The following DIP2B variants were observed in gnomAD, a reference collection of about 807,000 sequenced individuals.
The protein encoded by DIP2B is DIP2 acetate--CoA ligase B (putative), also known as disco-interacting protein 2 homolog B.
In DIP2B, 76 loss-of-function variants were observed where a neutral mutation model predicts 198.0. The observed-to-expected ratio is 0.38, with a 90% confidence interval of 0.32 to 0.46. The LOEUF is 0.46. Ranked by LOEUF, DIP2B falls within the 20% of genes least tolerant of loss-of-function variation. The pLI, the probability that DIP2B is intolerant of heterozygous loss-of-function variation, is 0.99. For missense variants in DIP2B, 1,559 were observed against 1,978.4 expected (o/e 0.79, Z 4.02); for synonymous variants, 701 against 739.1 (o/e 0.95, Z 0.84).
intron 7 of DIP2B, 25 bp downstream of exon 7, chr12:50,675,473 T>C (rs748091887): frequency 6.2e-7 from 1 of 1,601,920 alleles, no homozygotes; most frequent in Non-Finnish European, 8.5e-7. Flanking sequence ...ACCAAAAACA[T>C]ATATTCATTA....
chr12:50,677,788 C>G (rs1938973105), intron 7 of DIP2B, among the ~76,000 whole-genome samples: 1 of 151,980 alleles, frequency 6.6e-6, no homozygotes, highest in African/African-American at 2.4e-5. Context: ...AACACACAAC[C>G]AAATTCAGTC....
chr12:50,733,983 T>TA lies in DIP2B; in HGVS notation c.3982-150dup, dbSNP rs1256594354. ...TTCAGTGCTGCCACAGTCCCCGTGATAAGAGTGAGAGCAGGGGGCCTACTC... is the reference window on the plus strand; with the variant it reads ...TTCAGTGCTGCCACAGTCCCCGTGATAAAGAGTGAGAGCAGGGGGCCTACTC... On this transcript the variant is annotated intron_variant, in intron 32 of 37. Transcript: ENST00000301180. 3 of 750,606 alleles carry TA rather than the reference T, an allele frequency of 4.0e-6. No homozygotes were observed. The African/African-American group carries it at 5.3e-5, about 13-fold the overall frequency. 46.5% of individuals were successfully genotyped at this position (750,606 alleles called of 1,614,324 possible).
rs748364197 is a variant in DIP2B at position 50,741,501 on chromosome 12, G to T, written c.4440G>T (p.Glu1480Asp). 6.2e-7 allele frequency: 1 copy of T among 1,614,112 alleles called. No homozygotes were observed. The highest frequency in any genetic ancestry group is 8.5e-7 in the Non-Finnish European group (1 of 1,180,002). ...TACGATACCACCCAATTGATATTGA[G>T]ACCTCGGTGTCCCGGATCCACAGAA... ...RGLRYHPIDI[E>D]TSVSRIHRSI... Residue 1480 changes from glutamate (E) to aspartate (D), a missense_variant, in exon 37 of 38, where the codon GAG (glutamate) becomes GAT (aspartate). Coordinates refer to ENST00000301180, the MANE Select transcript of DIP2B (RefSeq NM_173602.3).
intron 1 of DIP2B, among the ~76,000 whole-genome samples, chr12:50,550,768 A>G (rs763053127): frequency 1.3e-5 from 2 of 152,204 alleles, no homozygotes; most frequent in Non-Finnish European, 2.9e-5. Context: ...TCTTAAAGCT[A>G]GTAACATGTT....
rs144260106 is a variant in DIP2B at position 50,577,595 on chromosome 12, A to G, written c.101-48381A>G. Among the ~76,000 whole-genome samples the G allele has an allele frequency of 3.1e-3, 471 of 151,414 alleles. 5 individuals are homozygous for G. The highest frequency in any genetic ancestry group is 0.011 in the African/African-American group (442 of 41,460). ...GTTAAAATATTTATCCTAAATAACA[A>G]TAATAAATTTATTATATTTATATAT... On this transcript the variant is annotated intron_variant, in intron 1 of 37. Transcript: ENST00000301180.
intron 2 of DIP2B, among the ~76,000 whole-genome samples, chr12:50,636,139 G>A (rs1938155981): frequency 6.6e-6 from 1 of 152,186 alleles, no homozygotes; most frequent in Non-Finnish European, 1.5e-5. Context: ...GAAATTCAAA[G>A]GGACGTGAAC....
intron 1 of DIP2B, among the ~76,000 whole-genome samples, chr12:50,599,853 G>A (rs566613666): frequency 4.4e-4 from 67 of 152,124 alleles, no homozygotes; most frequent in Non-Finnish European, 8.7e-4. Flanking sequence ...TTTCTGCGAT[G>A]GCAATAGGAG....
At position 50,695,345 on chromosome 12, in the gene DIP2B, G is replaced by A; in HGVS notation, c.1798G>A (p.Val600Ile). 1 of 1,613,898 alleles carries A rather than the reference G, an allele frequency of 6.2e-7. No individual in the cohort carries two copies. The highest frequency in any genetic ancestry group is 1.3e-5 in the African/African-American group (1 of 75,016). The change falls in exon 15 of 38, where the codon GTA (valine) becomes ATA (isoleucine). Residue 600 changes from valine (V) to isoleucine (I), a missense_variant. By Grantham distance (29) the Val-to-Ile change is conservative (BLOSUM62 3). Transcript: ENST00000301180. ...KTCPLSWVQR[V>I]HAHKAKVALV... ...CTGTCCTCTCTCTTGGGTCCAAAGA[G>A]TACATGCTCACAAAGGTAGTCACCT... is the stretch of plus-strand genomic sequence containing the variant.
chr12:50,718,911 A>G (rs368767395), intron 24 of DIP2B, 44 bp from the exon 25 acceptor site: 62 of 1,613,296 alleles, frequency 3.8e-5, no homozygotes, highest in Non-Finnish European at 4.3e-5. Context: ...ATGACTTGTT[A>G]TAAGTTGCTG....
intron 1 of DIP2B, among the ~76,000 whole-genome samples, chr12:50,588,346 C>T (rs1958788535): frequency 6.6e-6 from 1 of 151,904 alleles, no homozygotes; most frequent in South Asian, 2.1e-4. Flanking sequence ...GATGGAGTGT[C>T]ACTGTGTTGG....
At position 50,737,048 on chromosome 12, in the gene DIP2B, G is replaced by C. The variant is rs1402901670; in HGVS notation, c.4114G>C (p.Val1372Leu). ...CTTTGATTCTTAGATTTTACCTGGA[G>C]TGAAAGTGGTTATTGTTAATCCTGA... ...LSESGKILPG[V>L]KVVIVNPETK... is the part of the protein sequence containing the mutation. Residue 1372 changes from valine (V) to leucine (L), a missense_variant, in exon 35 of 38, where the codon GTG becomes CTG. Val to Leu is a conservative substitution (Grantham distance 32). Coordinates refer to ENST00000301180, the MANE Select transcript of DIP2B (RefSeq NM_173602.3). 1.2e-6 allele frequency: 2 copies of C among 1,613,816 alleles called. No individual in the cohort carries two copies. Among genetic ancestry groups the C allele is most frequent in the Non-Finnish European group, 1.7e-6 (2 of 1,179,922 alleles).
chr12:50,742,923 A>G (rs1478615712), intron 37 of DIP2B, among the ~76,000 whole-genome samples: 1 of 152,066 alleles, frequency 6.6e-6, no homozygotes, highest in Non-Finnish European at 1.5e-5. Flanking sequence ...TCTTGTTTTC[A>G]TAGGAGTCTC....
At chr12:50,646,207 T>G (rs1018798109) in intron 3 of DIP2B, among the ~76,000 whole-genome samples, 4 of 152,030 alleles carry the variant, frequency 2.6e-5, no homozygotes, top group Non-Finnish European at 5.9e-5. Flanking sequence ...CACTGCAACC[T>G]CCGCCTCCTG....
intron 1 of DIP2B, among the ~76,000 whole-genome samples, chr12:50,606,763 TG>T (rs1358357451): frequency 5.3e-5 from 8 of 152,182 alleles, no homozygotes; most frequent in African/African-American, 1.9e-4. Context: ...CTTGAGTAGC[TG>T]GGACTACAGG....
At chr12:50,673,860 C>G (rs749795141) in intron 5 of DIP2B, among the ~76,000 whole-genome samples, 53 of 152,126 alleles carry the variant, frequency 3.5e-4, no homozygotes, top group Non-Finnish European at 6.6e-4. Flanking sequence ...AAAGGAAGAA[C>G]CTTGTCTGTC....
intron 33 of DIP2B, 145 bp downstream of exon 33, chr12:50,734,341 T>G (rs146592736): frequency 1.3e-6 from 1 of 753,462 alleles, no homozygotes; most frequent in Non-Finnish European, 2.2e-6. Flanking sequence ...GTTTTTATCA[T>G]TAATACATAA....
intron 1 of DIP2B, among the ~76,000 whole-genome samples, chr12:50,568,778 C>T (rs546382278): frequency 5.3e-5 from 8 of 152,186 alleles, no homozygotes; most frequent in African/African-American, 1.7e-4. Context: ...TTGGCTGACA[C>T]CAGAAGTCTT....
intron 1 of DIP2B, among the ~76,000 whole-genome samples, chr12:50,556,391 A>G (rs1958471567): frequency 6.6e-6 from 1 of 152,012 alleles, no homozygotes; most frequent in African/African-American, 2.4e-5. Context: ...TCATCTTTTT[A>G]CTAACTGTTC....
intron 1 of DIP2B, among the ~76,000 whole-genome samples, chr12:50,558,691 A>G (rs1164302872): frequency 6.6e-6 from 1 of 152,228 alleles, no homozygotes; most frequent in East Asian, 1.9e-4. Flanking sequence ...ACTCAGAAGA[A>G]CAAAACAGAA....
Sources: gnomAD v4.1 joint callset for allele counts (sites outside exome capture counted in the v4.1 genomes callset) on GRCh38, gnomAD v4.1.1 for gene constraint, MANE v1.5 for transcripts, NCBI Gene and HGNC (gene_info 2026-07-23, HGNC 2026-07-21) for gene names.